ANK2: variants seen among roughly 807,000 people sequenced by gnomAD.
The protein encoded by ANK2 is ankyrin 2, also known as ankyrin-2.
A neutral mutation model predicts 360.5 loss-of-function variants in ANK2; 83 were observed. The observed-to-expected ratio is 0.23, with a 90% CI of 0.19 to 0.28. ANK2 has a LOEUF of 0.28. ANK2 is among the 10% of genes least tolerant of loss of function. The probability of loss-of-function intolerance (pLI) is 1.00; values close to 1 mark genes in which losing one functional copy is unlikely to be tolerated. For synonymous variants in ANK2, 1,740 were observed against 1,759.5 expected, an observed-to-expected ratio of 0.99 and a Z score of 0.28; for missense variants, 4,201 against 4,795.7, an observed-to-expected ratio of 0.88 and a Z score of 3.66.
At chr4:113,381,038 A>G (rs184743141) in intron 45 of ANK2, among the ~76,000 whole-genome samples, 1 of 152,230 alleles carries the variant, frequency 6.6e-6, no homozygotes, top group Non-Finnish European at 1.5e-5. Flanking sequence ...GGTGTTTCAA[A>G]TAAATTAAAA....
Position 113,004,255 on chromosome 4 carries a change from TAG to T in ANK2, c.21+99743_21+99744del, listed in dbSNP as rs2051916494. Among the ~76,000 whole-genome samples, 5 of 152,356 alleles carry T rather than the reference TAG, an allele frequency of 3.3e-5. No homozygotes were observed. The South Asian group carries it at 1.0e-3, about 32-fold the overall frequency. The stretch of plus-strand genomic sequence containing the variant: ...TAAACATTTTGTTTTTTTAAACTTT[TAG>T]ACTCTTTTATAATAACATTTAGCTT... On this transcript the variant is annotated intron_variant, in intron 2 of 30. Transcript: ENST00000503271.
At chr4:112,958,794 C>T (rs1031607461) in intron 2 of ANK2, among the ~76,000 whole-genome samples, 1 of 151,934 alleles carries the variant, frequency 6.6e-6, no homozygotes, top group Non-Finnish European at 1.5e-5. Flanking sequence ...TAATGATTGT[C>T]TTTTGAAATT....
At chr4:112,999,664 A>T (rs2154284502) in intron 2 of ANK2, among the ~76,000 whole-genome samples, 1 of 152,116 alleles carries the variant, frequency 6.6e-6, no homozygotes, top group South Asian at 2.1e-4. Context: ...CCTCCTTAAA[A>T]AAAAAAAGCA....
the ANK2 span, among the ~76,000 whole-genome samples, chr4:112,748,002 T>C: frequency 6.6e-6 from 1 of 152,308 alleles, no homozygotes; most frequent in African/African-American, 2.4e-5. Flanking sequence ...TCATCCTAGA[T>C]TATAATGTGT....
intron 2 of ANK2, among the ~76,000 whole-genome samples, chr4:112,933,935 T>G (rs2093496794): frequency 6.6e-6 from 1 of 151,382 alleles, no homozygotes; most frequent in Non-Finnish European, 1.5e-5. Context: ...AAATTGCAAA[T>G]TTGTGATAGA....
chr4:113,306,272 A>G (rs1335730827), intron 23 of ANK2, among the ~76,000 whole-genome samples: 2 of 152,206 alleles, frequency 1.3e-5, no homozygotes, highest in Non-Finnish European at 2.9e-5. Context: ...TGAACGTGCT[A>G]AGAGATGAGA....
At chr4:112,864,327 T>G (rs999554655) in intron 1 of ANK2, among the ~76,000 whole-genome samples, 2 of 152,238 alleles carry the variant, frequency 1.3e-5, no homozygotes, top group African/African-American at 4.8e-5. Context: ...TTTTATTTTT[T>G]GAGACGGAGT....
chr4:112,762,602 C>T, the ANK2 span, among the ~76,000 whole-genome samples: 2 of 152,290 alleles, frequency 1.3e-5, no homozygotes, highest in African/African-American at 4.8e-5. Context: ...CTCTGCCTCC[C>T]GGGTTCAAGC....
Position 112,975,064 on chromosome 4 carries a change from C to T in ANK2, c.21+70550C>T, listed in dbSNP as rs117164173. Among the ~76,000 whole-genome samples, 67 of 152,302 alleles carry T rather than the reference C, an allele frequency of 4.4e-4. No individual in the cohort carries two copies. In the East Asian group the frequency reaches 7.9e-3, roughly 18 times the overall value. On this transcript the variant is annotated intron_variant, in intron 2 of 30. Coordinates refer to the ANK2 transcript ENST00000503271. The stretch of plus-strand genomic sequence containing the variant: ...TTAGAACTGTTACCCACTCTCAGCC[C>T]AGTCCCTTTCATATATCACGTTGCT...
intron 22 of ANK2, among the ~76,000 whole-genome samples, chr4:113,294,254 G>A (rs1327635603): frequency 6.6e-6 from 1 of 152,206 alleles, no homozygotes; most frequent in East Asian, 1.9e-4. Flanking sequence ...TGGGAGCAAA[G>A]TTTAAAGGAG....
chr4:113,208,705 C>A (rs2098984704), intron 4 of ANK2, among the ~76,000 whole-genome samples: 1 of 151,732 alleles, frequency 6.6e-6, no homozygotes, highest in Non-Finnish European at 1.5e-5. Context: ...GTCTTGCTAT[C>A]TCGCCCAGAC....
intron 2 of ANK2, among the ~76,000 whole-genome samples, chr4:112,974,830 G>T (rs2040797445): frequency 6.7e-6 from 1 of 149,652 alleles, no homozygotes. Context: ...TTTTGTCCTG[G>T]TAAAAGTATA....
chr4:112,740,651 G>A, the ANK2 span, among the ~76,000 whole-genome samples: 1 of 151,854 alleles, frequency 6.6e-6, no homozygotes, highest in African/African-American at 2.4e-5. Flanking sequence ...CCAGTGAGCC[G>A]AGATCTTGGC....
At chr4:113,059,928 G>GCATA (rs1390998170) in intron 1 of ANK2, among the ~76,000 whole-genome samples, 2 of 152,066 alleles carry the variant, frequency 1.3e-5, no homozygotes, top group African/African-American at 4.8e-5. Flanking sequence ...AGTGTCAAAG[G>GCATA]CATACACTTC....
At chr4:112,932,590 A>G (rs2093364718) in intron 2 of ANK2, among the ~76,000 whole-genome samples, 1 of 151,502 alleles carries the variant, frequency 6.6e-6, no homozygotes, top group South Asian at 2.1e-4. Flanking sequence ...TTTTCCTGTA[A>G]AGAGTATAAG....
At chr4:113,145,859 T>G (rs1437015808) in intron 1 of ANK2, 1 of 1,289,608 alleles carries the variant, frequency 7.8e-7, no homozygotes, top group East Asian at 5.5e-5. Flanking sequence ...GCAGGAACTG[T>G]AGAGCTGAGA....
At chr4:112,893,586 G>A (rs868659427) in intron 1 of ANK2, among the ~76,000 whole-genome samples, 18 of 152,116 alleles carry the variant, frequency 1.2e-4, no homozygotes, top group Non-Finnish European at 1.8e-4. Context: ...TCATAATAAT[G>A]ACCATTTATC....
chr4:113,106,379 A>G (rs1033488997), intron 1 of ANK2, among the ~76,000 whole-genome samples: 1 of 152,188 alleles, frequency 6.6e-6, no homozygotes. Context: ...TTCTTAAGAT[A>G]GAGTTTTACA....
At chr4:113,186,375 C>T (rs1196459195) in intron 2 of ANK2, among the ~76,000 whole-genome samples, 1 of 151,998 alleles carries the variant, frequency 6.6e-6, no homozygotes, top group South Asian at 2.1e-4. Flanking sequence ...AAAGGACGTC[C>T]ACACAAAAAC....
Sources: allele counts gnomAD v4.1 joint callset (sites outside exome capture counted in the v4.1 genomes callset), GRCh38; gene constraint gnomAD v4.1.1; transcripts MANE v1.5; gene names NCBI Gene and HGNC (gene_info 2026-07-23, HGNC 2026-07-21).